Variants in CTNNA2 observed in about 807,000 individuals in gnomAD.
CTNNA2 encodes the protein catenin alpha-2.
A neutral mutation model predicts 101.0 loss-of-function variants in CTNNA2; 42 were observed. The observed-to-expected ratio is 0.42, with a 90% CI of 0.32 to 0.54. The LOEUF is 0.54. CTNNA2 is among the 20% of genes least tolerant of loss of function. CTNNA2 has a pLI of 0.14. For synonymous variants in CTNNA2, 450 were observed against 456.4 expected (o/e 0.99, Z 0.18); for missense variants, 871 against 1,223.1 (o/e 0.71, Z 4.29).
chr2:79,977,131 G>A (rs2104592960), intron 7 of CTNNA2, among the ~76,000 whole-genome samples: 1 of 151,860 alleles, frequency 6.6e-6, no homozygotes, highest in Admixed American at 6.6e-5. Context: ...CTAAATAATT[G>A]GGGGTAATTT....
upstream of CTNNA2, among the ~76,000 whole-genome samples, chr2:79,508,977 A>AAACAAT (rs2103817987): frequency 2.8e-5 from 1 of 35,544 alleles, no homozygotes; most frequent in Non-Finnish European, 5.5e-5. Context: ...ATATATATAT[A>AAACAAT]TATATATATA....
chr2:79,524,932 C>G (rs1223945880), intron 1 of CTNNA2, among the ~76,000 whole-genome samples: 1 of 147,276 alleles, frequency 6.8e-6, no homozygotes, highest in African/African-American at 2.5e-5. Context: ...GTATGCTATT[C>G]AAAGGCACGG....
intron 1 of CTNNA2, among the ~76,000 whole-genome samples, chr2:79,625,575 G>C (rs1449128515): frequency 1.3e-5 from 2 of 152,152 alleles, no homozygotes; most frequent in African/African-American, 4.8e-5. Context: ...CTGTGGGTTG[G>C]AGTTAAAGAA....
chr2:80,251,077 T>C (rs549123670), intron 7 of CTNNA2, among the ~76,000 whole-genome samples: 58 of 152,272 alleles, frequency 3.8e-4, no homozygotes, highest in African/African-American at 1.3e-3. Flanking sequence ...ATTTTAGTCA[T>C]GAGTGATTAG....
At chr2:79,821,951 A>T (rs994988839) in intron 3 of CTNNA2, among the ~76,000 whole-genome samples, 14 of 152,198 alleles carry the variant, frequency 9.2e-5, no homozygotes, top group African/African-American at 3.1e-4. Flanking sequence ...TGGTTAACAA[A>T]ATCCTTGAAG....
chr2:79,490,174 T>C (rs1485417308), intron 4 of CTNNA2, among the ~76,000 whole-genome samples: 2 of 152,220 alleles, frequency 1.3e-5, no homozygotes, highest in African/African-American at 4.8e-5. Context: ...ATACATAGTA[T>C]ATATACTACC....
chr2:79,524,241 G>T (rs531183109), intron 1 of CTNNA2, among the ~76,000 whole-genome samples: 1 of 151,720 alleles, frequency 6.6e-6, no homozygotes, highest in African/African-American at 2.4e-5. Flanking sequence ...TCTTTTTTGT[G>T]TCCTTCAGTA....
At chr2:80,524,371 C>T (rs574018855) in intron 9 of CTNNA2, among the ~76,000 whole-genome samples, 15 of 152,234 alleles carry the variant, frequency 9.9e-5, no homozygotes, top group Admixed American at 7.9e-4. Context: ...AATCTGACTC[C>T]GCCTACCTGC....
At chr2:79,815,723 G>GTCT (rs1445249580) in intron 3 of CTNNA2, among the ~76,000 whole-genome samples, 4 of 151,980 alleles carry the variant, frequency 2.6e-5, no homozygotes, top group African/African-American at 9.7e-5. Context: ...TTTCAGCTTA[G>GTCT]TCTTGCTTTG....
At chr2:80,079,290 A>T (rs866286833) in intron 7 of CTNNA2, among the ~76,000 whole-genome samples, 1 of 152,352 alleles carries the variant, frequency 6.6e-6, no homozygotes, top group South Asian at 2.1e-4. Flanking sequence ...GCAAAATGGG[A>T]AAAGCAATAT....
chr2:79,555,513 T>C (rs1167863855), intron 1 of CTNNA2, among the ~76,000 whole-genome samples: 1 of 152,182 alleles, frequency 6.6e-6, no homozygotes, highest in East Asian at 1.9e-4. Context: ...TCCTGTGTTT[T>C]AACATTTTAA....
At chr2:79,201,100 T>C (rs1674028967) in intron 2 of CTNNA2, among the ~76,000 whole-genome samples, 1 of 152,052 alleles carries the variant, frequency 6.6e-6, no homozygotes, top group Non-Finnish European at 1.5e-5. Context: ...CCCCCCCTTT[T>C]TTTGTGGAAA....
At chr2:80,017,330 A>G (rs1694222212) in intron 7 of CTNNA2, among the ~76,000 whole-genome samples, 1 of 152,124 alleles carries the variant, frequency 6.6e-6, no homozygotes, top group African/African-American at 2.4e-5. Context: ...GTGTGAATAT[A>G]ATAAAAGAGT....
intron 7 of CTNNA2, among the ~76,000 whole-genome samples, chr2:80,237,384 T>A (rs1349795860): frequency 1.3e-5 from 2 of 152,204 alleles, no homozygotes; most frequent in Non-Finnish European, 2.9e-5. Flanking sequence ...GTATTAAATG[T>A]ATTTTCAATG....
chr2:80,137,704 G>T (rs929927938), intron 7 of CTNNA2, among the ~76,000 whole-genome samples: 1 of 151,818 alleles, frequency 6.6e-6, no homozygotes, highest in Non-Finnish European at 1.5e-5. Context: ...GAATCCATGG[G>T]ATGGGTTTTA....
chr2:80,533,874 A>G (rs906915016), intron 9 of CTNNA2, among the ~76,000 whole-genome samples: 1 of 152,192 alleles, frequency 6.6e-6, no homozygotes, highest in Non-Finnish European at 1.5e-5. Context: ...AAGACATGAT[A>G]AGCCTCTCCT....
chr2:80,485,462 A>G (rs896771082), intron 9 of CTNNA2, among the ~76,000 whole-genome samples: 1 of 152,186 alleles, frequency 6.6e-6, no homozygotes, highest in African/African-American at 2.4e-5. Context: ...GGAGCCTGGA[A>G]TGAGGACATC....
intron 2 of CTNNA2, among the ~76,000 whole-genome samples, chr2:79,700,129 C>T (rs980516584): frequency 6.6e-6 from 1 of 151,838 alleles, no homozygotes; most frequent in African/African-American, 2.4e-5. Context: ...AACTTGTATC[C>T]ATTTGCAATG....
At chr2:80,373,829 G>C (rs140506002) in intron 7 of CTNNA2, among the ~76,000 whole-genome samples, 1 of 152,036 alleles carries the variant, frequency 6.6e-6, no homozygotes, top group Non-Finnish European at 1.5e-5. Flanking sequence ...ACTGATTGAC[G>C]TGAGTCTTGT....
Sources: allele counts gnomAD v4.1 joint callset (sites outside exome capture counted in the v4.1 genomes callset), GRCh38; gene constraint gnomAD v4.1.1; transcripts MANE v1.5; gene names NCBI Gene and HGNC (gene_info 2026-07-23, HGNC 2026-07-21).